CCDC66: variants seen among roughly 807,000 people sequenced by gnomAD.
The protein encoded by CCDC66 is coiled-coil domain-containing protein 66.
Under a neutral mutation model 128.3 loss-of-function variants are expected in CCDC66, and 133 were observed. That is an observed-to-expected ratio of 1.04 (90% CI 0.90 to 1.20). The LOEUF (loss-of-function observed/expected upper bound fraction) is 1.20, where lower values mean the gene tolerates loss of function less well. Among genes scored for constraint, CCDC66 ranks in the 50% most tolerant of loss-of-function variants. CCDC66 has a pLI of 0.00. For missense variants in CCDC66, 1,126 were observed against 1,075.5 expected (o/e 1.05, Z -0.66); for synonymous variants, 387 against 357.0 (o/e 1.08, Z -0.95).
chr3:56,575,490 C>T (rs1019719061), intron 7 of CCDC66, among the ~76,000 whole-genome samples: 1 of 151,724 alleles, frequency 6.6e-6, no homozygotes, highest in African/African-American at 2.4e-5. Flanking sequence ...ATGATAATCC[C>T]TTGTCAGATA....
intron 10 of CCDC66, among the ~76,000 whole-genome samples, chr3:56,598,702 G>A (rs1210692167): frequency 2.0e-5 from 3 of 152,028 alleles, no homozygotes; most frequent in African/African-American, 7.3e-5. Flanking sequence ...TTCTGTTGAT[G>A]TGATGTATCA....
intron 7 of CCDC66, among the ~76,000 whole-genome samples, chr3:56,576,347 T>C (rs1236942229): frequency 1.3e-5 from 2 of 151,504 alleles, no homozygotes; most frequent in Admixed American, 1.3e-4. Context: ...GTATTTTTTC[T>C]TTTTGATGCC....
At chr3:56,568,710 C>G (rs1263326894) in intron 6 of CCDC66, among the ~76,000 whole-genome samples, 1 of 152,026 alleles carries the variant, frequency 6.6e-6, no homozygotes, top group Non-Finnish European at 1.5e-5. Flanking sequence ...TTTAAATAAC[C>G]AAAACATTCT....
rs762724461 is a variant in CCDC66, at chr3:56,564,069, C to G, written c.488C>G (p.Thr163Ser). 1 of 1,613,172 alleles carries G rather than the reference C, an allele frequency of 6.2e-7. No homozygotes were observed. The highest frequency in any genetic ancestry group is 1.1e-5 in the South Asian group (1 of 90,934). Residue 163 changes from threonine to serine, a missense_variant, in exon 4 of 18, where the codon ACT becomes AGT. Coordinates refer to ENST00000394672, the MANE Select transcript of CCDC66 (RefSeq NM_001141947.3). The part of the protein sequence containing the change: ...TQDQLQQILM[T>S]VNQGNRSLSL... ...GACCAACTACAACAGATTTTGATGACTGTAAACCAAGGAAATAGATCTCTT... is the reference window on the plus strand; with the variant it reads ...GACCAACTACAACAGATTTTGATGAGTGTAAACCAAGGAAATAGATCTCTT...
rs143477678 is a variant in CCDC66 at position 56,604,373 on chromosome 3, G to A, written c.1405-9216G>A. On this transcript the variant is annotated intron_variant, in intron 10 of 17. Coordinates refer to ENST00000394672, the MANE Select transcript of CCDC66 (RefSeq NM_001141947.3). The stretch of plus-strand genomic sequence containing the variant: ...GTTGATGCAGTTTCTTCATAGTGTC[G>A]ATGGTCTTTACAATTTGGTATGTTT... 4.7e-3 allele frequency among the ~76,000 whole-genome samples: 711 copies of A among 152,044 alleles called. 11 individuals are homozygous for A. Among genetic ancestry groups the A allele is most frequent in the African/African-American group, 0.016 (671 of 41,376 alleles).
chr3:56,599,727 A>G (rs758821564), intron 10 of CCDC66, among the ~76,000 whole-genome samples: 3 of 152,000 alleles, frequency 2.0e-5, no homozygotes, highest in Non-Finnish European at 4.4e-5. Flanking sequence ...GTTTTGTTCC[A>G]TTGTGGTTTG....
chr3:56,617,733 C>G, intron 14 of CCDC66, 128 bp downstream of exon 14: 1 of 1,163,826 alleles, frequency 8.6e-7, no homozygotes, highest in Non-Finnish European at 1.2e-6. Context: ...AAACTATATC[C>G]CATGGGCAAA....
At chr3:56,571,070 A>G in intron 6 of CCDC66, 111 bp from the exon 7 acceptor site, 7 of 702,152 alleles carry the variant, frequency 1.0e-5, no homozygotes, top group African/African-American at 3.8e-5. Context: ...TTCCTAAAAA[A>G]GAGTTTTGAT....
chr3:56,617,019 G>GC (rs2075608746), intron 13 of CCDC66, 93 bp from the exon 14 acceptor site: 8 of 1,015,314 alleles, frequency 7.9e-6, no homozygotes, highest in Non-Finnish European at 9.8e-6. Flanking sequence ...AAAAGTCTTA[G>GC]AGGGCAATAA....
chr3:56,563,637 A>AC (rs1438989060), intron 3 of CCDC66, 47 bp from the exon 4 acceptor site: 1 of 1,407,790 alleles, frequency 7.1e-7, no homozygotes, highest in East Asian at 2.5e-5. Flanking sequence ...ATAATTGGTG[A>AC]TTTTTCTTGG....
chr3:56,619,682 AC>A, intron 16 of CCDC66, 94 bp from the exon 17 acceptor site: 1 of 1,504,968 alleles, frequency 6.6e-7, no homozygotes. Flanking sequence ...TAGGATACAT[AC>A]TTATTATAAT....
rs1162801184 is a variant in CCDC66 at position 56,602,839 on chromosome 3, T to C, written c.1404+8811T>C. ...GCGGTGATATCCCCTTTATCATTTT[T>C]TTTTTTTTTTTTTGAGACAGAGTGT... On this transcript the variant is annotated intron_variant, in intron 10 of 17. Coordinates refer to ENST00000394672, the MANE Select transcript of CCDC66 (RefSeq NM_001141947.3). Among the ~76,000 whole-genome samples the C allele has an allele frequency of 2.0e-5, 3 of 148,936 alleles. No individual in the cohort carries two copies. In the East Asian group the frequency reaches 5.9e-4, roughly 29 times the overall value.
intron 4 of CCDC66, among the ~76,000 whole-genome samples, chr3:56,565,485 G>C (rs1208455541): frequency 6.7e-6 from 1 of 149,916 alleles, no homozygotes; most frequent in Non-Finnish European, 1.5e-5. Flanking sequence ...TAGAGACGGG[G>C]TTTCACCGTG....
In CCDC66 at chr3:56,561,469, A is replaced by AT. The variant is rs576336766; in HGVS notation, c.102+1885dup. On this transcript the variant is annotated intron_variant, in intron 3 of 17. Coordinates refer to ENST00000394672, the MANE Select transcript of CCDC66 (RefSeq NM_001141947.3). ...ATCAGCTATCTAAAGGTGTTTTAGA[A>AT]TTTTTTTTTTAAGAGTAACTACTGT... 7.6e-3 allele frequency: 2,338 copies of AT among 306,896 alleles called. 34 individuals carry two copies. The highest frequency in any genetic ancestry group is 0.048 in the South Asian group (1,635 of 34,336). The allele number at this position is 306,896 out of a possible 1,614,324, so 19.0% of individuals were successfully genotyped here.
chr3:56,603,152 T>C (rs2073497933), intron 10 of CCDC66, among the ~76,000 whole-genome samples: 1 of 152,026 alleles, frequency 6.6e-6, no homozygotes, highest in Non-Finnish European at 1.5e-5. Context: ...TCATTTTTTA[T>C]TGCGTCTGTT....
chr3:56,563,169 C>T (rs1446814565), intron 3 of CCDC66, among the ~76,000 whole-genome samples: 2 of 151,420 alleles, frequency 1.3e-5, no homozygotes, highest in East Asian at 3.9e-4. Context: ...GAGACCAGCC[C>T]GGCTAACATG....
intron 7 of CCDC66, chr3:56,572,554 T>C: frequency 9.0e-6 from 1 of 110,542 alleles, no homozygotes; most frequent in South Asian, 4.8e-5. Flanking sequence ...TTTACTTGAG[T>C]GTATTATGCT....
intron 10 of CCDC66, among the ~76,000 whole-genome samples, chr3:56,605,160 G>A (rs1306576687): frequency 6.6e-6 from 1 of 152,014 alleles, no homozygotes; most frequent in Non-Finnish European, 1.5e-5. Flanking sequence ...ATTCTAGTTA[G>A]CAATTTGTCT....
chr3:56,605,039 C>T lies in CCDC66; in HGVS notation c.1405-8550C>T, dbSNP rs750325698. On this transcript the variant is annotated intron_variant, in intron 10 of 17. Coordinates refer to ENST00000394672, the MANE Select transcript of CCDC66 (RefSeq NM_001141947.3). ...TAAGTTGATCTTCAATCACTGATAC[C>T]CTTTCTTACGCTTAATCAGTTTGGC... Among the ~76,000 whole-genome samples the T allele has an allele frequency of 1.3e-3, 201 of 151,812 alleles. 3 individuals are homozygous for T. The highest frequency in any genetic ancestry group is 3.4e-4 in the Non-Finnish European group (23 of 68,002).
Sources: allele counts gnomAD v4.1 joint callset (sites outside exome capture counted in the v4.1 genomes callset), GRCh38; gene constraint gnomAD v4.1.1; transcripts MANE v1.5; gene names NCBI Gene and HGNC (gene_info 2026-07-23, HGNC 2026-07-21).